The following PCF11 variants were observed in gnomAD, a reference collection of about 807,000 sequenced individuals.
PCF11 encodes the protein pre-mRNA cleavage complex 2 protein Pcf11.
PCF11 carries 19 observed loss-of-function variants against 166.1 expected under a neutral mutation model. The ratio of observed to expected loss-of-function variants is 0.11; its 90% CI spans 0.08 to 0.17. The LOEUF is 0.17. Ranked by LOEUF, PCF11 falls within the 10% of genes least tolerant of loss-of-function variation. PCF11 has a pLI of 1.00. For synonymous variants in PCF11, 663 were observed against 644.1 expected (o/e 1.03, Z -0.44); for missense variants, 1,565 against 1,855.5 (o/e 0.84, Z 2.88).
exon 1 of PCF11, chr11:83,157,159 A>T (rs554098946): frequency 1.8e-6 from 1 of 570,910 alleles, no homozygotes. Flanking sequence ...GAACACAGAC[A>T]TTTTCGGAGC....
exon 16 of PCF11, chr11:83,186,291 AG>A (rs1448414465): frequency 6.6e-6 from 1 of 152,240 alleles, no homozygotes; most frequent in Non-Finnish European, 1.5e-5. Flanking sequence ...ACTGATGGGA[AG>A]GGTATCTTTG....
chr11:83,177,741 C>T, exon 11 of PCF11: 1 of 1,541,636 alleles, frequency 6.5e-7, no homozygotes, highest in East Asian at 2.4e-5. Context: ...GCTCAGCCTC[C>T]CCCTGAAGAG....
At chr11:83,180,826 T>G (rs1030823233) in intron 11 of PCF11, 182 bp from the exon 12 acceptor site, 2 of 386,920 alleles carry the variant, frequency 5.2e-6, no homozygotes, top group South Asian at 7.9e-5. Flanking sequence ...GTCACCAAAG[T>G]TAAGGTAAAG....
At chr11:83,157,279 T>G (rs1860024181) in exon 1 of PCF11, 1 of 622,076 alleles carries the variant, frequency 1.6e-6, no homozygotes, top group African/African-American at 1.8e-5. Flanking sequence ...ATACCCGAGG[T>G]TCCCCCTGTG....
rs571023182 is a variant in PCF11 at position 83,175,777 on chromosome 11, AG to A, written c.3758-1307del. Reference sequence around the variant, plus strand: ...TCAAAACAAAAACAAAAACAAAAAAAGAATCACAATTATTAGAATAGTGCTT... The same window carrying A: ...TCAAAACAAAAACAAAAACAAAAAAAAATCACAATTATTAGAATAGTGCTT... On this transcript the variant is annotated intron_variant, in intron 9 of 15. Coordinates refer to ENST00000298281, the Ensembl canonical transcript of PCF11. Among the ~76,000 whole-genome samples the A allele has an allele frequency of 5.9e-5, 9 of 152,284 alleles. No homozygotes were observed. The East Asian group carries it at 1.5e-3, about 26-fold the overall frequency.
In PCF11 at chr11:83,181,200, C is replaced by A; in HGVS notation, c.4167+9C>A. 1 of 1,518,356 alleles carries A rather than the reference C, an allele frequency of 6.6e-7. No homozygotes were observed. The highest frequency in any genetic ancestry group is 9.0e-7 in the Non-Finnish European group (1 of 1,106,914). 94.1% of individuals were successfully genotyped at this position (1,518,356 alleles called of 1,614,324 possible). A position where few individuals can be genotyped will look rare whatever the true frequency, so the allele number is the denominator to read the frequency against. On this transcript the variant is annotated intron_variant, in intron 12 of 15. Coordinates refer to ENST00000298281, the Ensembl canonical transcript of PCF11. The stretch of plus-strand genomic sequence containing the variant: ...GGTACTACAGTTTAACAGTAAGTAA[C>A]CCATGTGCCTCCATAGTATCTTTTA...
chr11:83,181,518 ATTT>A (rs57414935), intron 12 of PCF11, among the ~76,000 whole-genome samples: 1 of 143,832 alleles, frequency 7.0e-6, no homozygotes, highest in African/African-American at 2.5e-5. Context: ...TTTGAAGGGA[ATTT>A]TTTTTTTTTT....
At chr11:83,174,488 G>C (rs1015583198) in intron 9 of PCF11, among the ~76,000 whole-genome samples, 8 of 151,254 alleles carry the variant, frequency 5.3e-5, no homozygotes, top group Admixed American at 5.3e-4. Context: ...CAAAGTGTTG[G>C]GTTTATAGGC....
At chr11:83,165,974 A>G (rs541319588) in exon 5 of PCF11, 8 of 1,600,366 alleles carry the variant, frequency 5.0e-6, no homozygotes, top group African/African-American at 1.4e-5. Flanking sequence ...AACTTGACCA[A>G]TTAGATTCTA....
exon 16 of PCF11, chr11:83,184,740 T>G: frequency 6.2e-7 from 1 of 1,611,772 alleles, no homozygotes; most frequent in Non-Finnish European, 8.5e-7. Context: ...CCCTTGAATA[T>G]TATGTTGAAC....
chr11:83,184,412 C>G (rs913328495), intron 15 of PCF11: 1 of 359,904 alleles, frequency 2.8e-6, no homozygotes, highest in Non-Finnish European at 5.0e-6. Flanking sequence ...AATGTAGAAG[C>G]ATGTCTAATC....
At chr11:83,157,772 G>A (rs1192222646) in intron 1 of PCF11, 141 bp downstream of exon 1, 6 of 750,174 alleles carry the variant, frequency 8.0e-6, no homozygotes, top group South Asian at 6.8e-5. Context: ...ACTCAGGCTC[G>A]GTCTTTGGCC....
chr11:83,164,085 T>G, intron 3 of PCF11, 122 bp from the exon 4 acceptor site: 1 of 674,340 alleles, frequency 1.5e-6, no homozygotes, highest in Non-Finnish European at 2.4e-6. Flanking sequence ...GTTTTAAATT[T>G]CTGATAAGTT....
intron 2 of PCF11, among the ~76,000 whole-genome samples, chr11:83,163,131 A>G (rs1287468324): frequency 6.6e-6 from 1 of 151,898 alleles, no homozygotes; most frequent in Admixed American, 6.5e-5. Context: ...GTTATTTAAA[A>G]CTAAGGCTTA....
intron 7 of PCF11, among the ~76,000 whole-genome samples, chr11:83,168,211 CAAAAT>C (rs1449385584): frequency 6.6e-6 from 1 of 152,130 alleles, no homozygotes; most frequent in African/African-American, 2.4e-5. Flanking sequence ...AACTTGCTCT[CAAAAT>C]GAAATAATTA....
exon 3 of PCF11, chr11:83,163,768 C>G: frequency 6.3e-7 from 1 of 1,593,150 alleles, no homozygotes; most frequent in Non-Finnish European, 8.6e-7. Context: ...CCCTGGATGT[C>G]AGAGTCAATT....
exon 16 of PCF11, chr11:83,184,842 T>C (rs1861221326): frequency 4.4e-6 from 7 of 1,585,648 alleles, no homozygotes; most frequent in South Asian, 1.2e-5. Flanking sequence ...GAGGAAAGCA[T>C]AGCAACACCC....
intron 9 of PCF11, among the ~76,000 whole-genome samples, chr11:83,176,052 G>A (rs1267918127): frequency 6.6e-6 from 1 of 152,182 alleles, no homozygotes; most frequent in East Asian, 1.9e-4. Flanking sequence ...GGAGCATTGA[G>A]GTCAGGAGTA....
intron 9 of PCF11, among the ~76,000 whole-genome samples, chr11:83,173,719 C>CTTTTTTTTTTT (rs869126679): frequency 2.9e-4 from 17 of 59,060 alleles, no homozygotes; most frequent in Non-Finnish European, 4.0e-4. Flanking sequence ...TTCTTTCTTT[C>CTTTTTTTTTTT]TTTTTTTTTT....
Sources: gnomAD v4.1 joint callset for allele counts (sites outside exome capture counted in the v4.1 genomes callset) on GRCh38, gnomAD v4.1.1 for gene constraint, MANE v1.5 for transcripts, NCBI Gene and HGNC (gene_info 2026-07-23, HGNC 2026-07-21) for gene names.